The following CDYL2 variants were observed in gnomAD, a reference collection of about 807,000 sequenced individuals.
CDYL2 encodes the protein chromodomain Y like 2.
A neutral mutation model predicts 49.4 loss-of-function variants in CDYL2; 23 were observed. The ratio of observed to expected loss-of-function variants is 0.47; its 90% CI spans 0.34 to 0.66. CDYL2 has a LOEUF of 0.66. Among genes scored for constraint, CDYL2 ranks in the 30% least tolerant of loss-of-function variants. The probability of loss-of-function intolerance (pLI) is 0.01; values close to 1 mark genes in which losing one functional copy is unlikely to be tolerated. For missense variants in CDYL2, 678 were observed against 656.4 expected (o/e 1.03, Z -0.36); for synonymous variants, 360 against 268.8 (o/e 1.34, Z -3.32).
upstream of CDYL2, among the ~76,000 whole-genome samples, chr16:80,804,647 A>G (rs981432468): frequency 7.0e-6 from 1 of 142,494 alleles, no homozygotes; most frequent in African/African-American, 2.5e-5. Context: ...CGGGGCGGGG[A>G]GGCGGGGGCT....
chr16:80,632,133 T>C (rs1907591353), intron 3 of CDYL2, among the ~76,000 whole-genome samples: 1 of 152,100 alleles, frequency 6.6e-6, no homozygotes, highest in Non-Finnish European at 1.5e-5. Context: ...TGTAGAAATA[T>C]TATCCATAAA....
chr16:80,725,980 T>C (rs1905150522), intron 1 of CDYL2, among the ~76,000 whole-genome samples: 1 of 152,242 alleles, frequency 6.6e-6, no homozygotes, highest in African/African-American at 2.4e-5. Context: ...AAAGGCCAAC[T>C]GTTAAGTGTT....
At chr16:80,786,934 G>A (rs946656712) in intron 1 of CDYL2, among the ~76,000 whole-genome samples, 1 of 152,076 alleles carries the variant, frequency 6.6e-6, no homozygotes, top group Non-Finnish European at 1.5e-5. Flanking sequence ...TGGGGGGCTA[G>A]GGGAGGGATA....
chr16:80,791,606 T>G (rs1376913000), intron 1 of CDYL2, among the ~76,000 whole-genome samples: 2 of 151,934 alleles, frequency 1.3e-5, no homozygotes, highest in African/African-American at 4.8e-5. Context: ...CTGAAGTGAG[T>G]AGGAATTAAA....
chr16:80,623,362 A>C (rs181272804), intron 3 of CDYL2, among the ~76,000 whole-genome samples: 2 of 152,284 alleles, frequency 1.3e-5, no homozygotes, highest in African/African-American at 4.8e-5. Context: ...ATGAACCAAC[A>C]AACAAGATGC....
intron 1 of CDYL2, among the ~76,000 whole-genome samples, chr16:80,727,155 C>T (rs375073359): frequency 4.6e-5 from 7 of 152,202 alleles, no homozygotes; most frequent in African/African-American, 7.2e-5. Flanking sequence ...ACGCAGAAGA[C>T]GGGTGATTTC....
At chr16:80,780,480 C>T (rs1907227940) in intron 1 of CDYL2, among the ~76,000 whole-genome samples, 1 of 147,570 alleles carries the variant, frequency 6.8e-6, no homozygotes, top group Admixed American at 6.8e-5. Flanking sequence ...ACTCGGCTCA[C>T]TGCAAGCTCC....
chr16:80,642,029 G>T (rs1046032070), intron 2 of CDYL2, among the ~76,000 whole-genome samples: 2 of 152,008 alleles, frequency 1.3e-5, no homozygotes, highest in African/African-American at 4.8e-5. Flanking sequence ...TTATTAAATA[G>T]AAAGGATAAA....
intron 3 of CDYL2, among the ~76,000 whole-genome samples, chr16:80,624,481 G>A (rs1341132351): frequency 6.6e-6 from 1 of 152,112 alleles, no homozygotes; most frequent in Non-Finnish European, 1.5e-5. Flanking sequence ...GGTGTCTGAT[G>A]GAAATGAATG....
intron 3 of CDYL2, chr16:80,628,401 A>AGCT (rs1907399222): frequency 6.6e-6 from 1 of 152,248 alleles, no homozygotes; most frequent in Non-Finnish European, 1.5e-5. Context: ...GAGGGAATAA[A>AGCT]GCTGCTTTGT....
At chr16:80,766,175 G>A (rs1906717858) in intron 1 of CDYL2, among the ~76,000 whole-genome samples, 1 of 151,804 alleles carries the variant, frequency 6.6e-6, no homozygotes, top group South Asian at 2.1e-4. Context: ...AACTGATTAC[G>A]ATAATGGCTG....
intron 1 of CDYL2, among the ~76,000 whole-genome samples, chr16:80,795,201 C>A (rs557199901): frequency 1.3e-5 from 2 of 152,106 alleles, no homozygotes. Context: ...ATAGAGGAAT[C>A]TGTAGTATGG....
At chr16:80,680,617 G>C (rs1460270830) in intron 2 of CDYL2, among the ~76,000 whole-genome samples, 1 of 152,200 alleles carries the variant, frequency 6.6e-6, no homozygotes, top group African/African-American at 2.4e-5. Flanking sequence ...AGAAAAAAGA[G>C]AGAGATGCCT....
intron 3 of CDYL2, among the ~76,000 whole-genome samples, chr16:80,625,660 A>G (rs1443335726): frequency 6.6e-6 from 1 of 152,250 alleles, no homozygotes; most frequent in Non-Finnish European, 1.5e-5. Flanking sequence ...GACATATCAT[A>G]TTTAAACTTC....
chr16:80,654,705 C>T (rs116289184), intron 2 of CDYL2, among the ~76,000 whole-genome samples: 2,547 of 152,308 alleles, frequency 0.017, 57 homozygotes, highest in African/African-American at 0.038. Context: ...TGCAAGGCAA[C>T]GCTTCAGACA....
At chr16:80,784,693 G>A (rs1451033559) in intron 1 of CDYL2, among the ~76,000 whole-genome samples, 2 of 152,196 alleles carry the variant, frequency 1.3e-5, no homozygotes, top group African/African-American at 4.8e-5. Context: ...TATGCTCTAG[G>A]TGCTGGGGAT....
intron 1 of CDYL2, among the ~76,000 whole-genome samples, chr16:80,803,948 G>A (rs1364263264): frequency 7.0e-6 from 1 of 142,248 alleles, no homozygotes; most frequent in Non-Finnish European, 1.6e-5. Context: ...GGGCGCGGGC[G>A]CCGCGGGAGG....
At chr16:80,755,981 C>G (rs1253599927) in intron 1 of CDYL2, among the ~76,000 whole-genome samples, 1 of 152,028 alleles carries the variant, frequency 6.6e-6, no homozygotes, top group Non-Finnish European at 1.5e-5. Flanking sequence ...ACTACTGGGT[C>G]AAGGGGTAAA....
chr16:80,747,757 C>T (rs1905983272), intron 1 of CDYL2, among the ~76,000 whole-genome samples: 1 of 152,138 alleles, frequency 6.6e-6, no homozygotes, highest in South Asian at 2.1e-4. Context: ...GCCCTAGTTT[C>T]TTTGCCTTGC....
Sources: allele counts gnomAD v4.1 joint callset (sites outside exome capture counted in the v4.1 genomes callset), GRCh38; gene constraint gnomAD v4.1.1; transcripts MANE v1.5; gene names NCBI Gene and HGNC (gene_info 2026-07-23, HGNC 2026-07-21).